The following EIF2AK3 variants were observed in gnomAD, a reference collection of about 807,000 sequenced individuals.
EIF2AK3 encodes the protein eukaryotic translation initiation factor 2-alpha kinase 3.
A neutral mutation model predicts 113.5 loss-of-function variants in EIF2AK3; 50 were observed. That is an observed-to-expected ratio of 0.44 (90% CI 0.35 to 0.56). The LOEUF (loss-of-function observed/expected upper bound fraction) is 0.56. Ranked by LOEUF, EIF2AK3 falls within the 20% of genes least tolerant of loss-of-function variation. EIF2AK3 has a pLI of 0.00. For synonymous variants in EIF2AK3, 448 were observed against 495.4 expected, an observed-to-expected ratio of 0.90 and a Z score of 1.27; for missense variants, 1,185 against 1,378.0, an observed-to-expected ratio of 0.86 and a Z score of 2.22.
intron 4 of EIF2AK3, among the ~76,000 whole-genome samples, chr2:88,591,294 A>C (rs1309483948): frequency 6.6e-6 from 1 of 152,166 alleles, no homozygotes. Context: ...TGTCCCTTAC[A>C]ACAGCTAAGG....
chr2:88,562,295 T>G lies in EIF2AK3; in HGVS notation c.3081A>C (p.Arg1027Ser). ...LLYPFSTQME[R>S]VRTLTDVRNL... ...GAGTAGGGAGGGTACTTACCCTGAC[T>G]CTCTCCATCTGAGTGCTGAATGGAT... Residue 1027 changes from arginine to serine, a missense_variant, in exon 15 of 17, where the codon AGA becomes AGC. Physicochemically the swap from Arg to Ser is moderately radical, Grantham distance 110 (BLOSUM62 -1). Transcript: ENST00000303236. 6.2e-7 allele frequency: 1 copy of G among 1,613,506 alleles called. No individual in the cohort carries two copies. The highest frequency in any genetic ancestry group is 8.5e-7 in the Non-Finnish European group (1 of 1,179,472).
chr2:88,608,853 G>T (rs1675358782), intron 2 of EIF2AK3, among the ~76,000 whole-genome samples: 1 of 149,524 alleles, frequency 6.7e-6, no homozygotes, highest in African/African-American at 2.5e-5. Context: ...AACTACAGGT[G>T]CATGTCACCA....
intron 15 of EIF2AK3, among the ~76,000 whole-genome samples, chr2:88,559,880 C>T (rs1433727976): frequency 3.3e-5 from 5 of 152,040 alleles, no homozygotes; most frequent in African/African-American, 1.2e-4. Context: ...TTGGTGGTTT[C>T]TACTTTTGGA....
intron 1 of EIF2AK3, among the ~76,000 whole-genome samples, chr2:88,625,283 G>A (rs910304280): frequency 6.9e-5 from 6 of 87,358 alleles, no homozygotes; most frequent in African/African-American, 1.5e-4. Context: ...TATCGCTTAC[G>A]TACACACACA....
chr2:88,608,373 C>T (rs1438464621), intron 2 of EIF2AK3, among the ~76,000 whole-genome samples: 1 of 152,066 alleles, frequency 6.6e-6, no homozygotes, highest in African/African-American at 2.4e-5. Flanking sequence ...AACTTTCATA[C>T]CATTCTTGAT....
intron 5 of EIF2AK3, 49 bp downstream of exon 5, chr2:88,590,769 G>T (rs1436623840): frequency 6.2e-7 from 1 of 1,603,632 alleles, no homozygotes; most frequent in African/African-American, 1.3e-5. Context: ...AGTTTGGTCA[G>T]ACTGGGAGAG....
intron 6 of EIF2AK3, 134 bp from the exon 7 acceptor site, chr2:88,589,035 A>G: frequency 1.9e-6 from 2 of 1,043,592 alleles, no homozygotes; most frequent in Non-Finnish European, 2.8e-6. Context: ...ACATGCTTGA[A>G]GCACTCAAAG....
intron 10 of EIF2AK3, among the ~76,000 whole-genome samples, chr2:88,582,382 A>G (rs577011060): frequency 1.3e-5 from 2 of 152,340 alleles, no homozygotes; most frequent in Admixed American, 1.3e-4. Context: ...CAATCCAGGC[A>G]GAACTACCAA....
chr2:88,585,810 A>C, intron 9 of EIF2AK3, 31 bp downstream of exon 9: 1 of 1,603,636 alleles, frequency 6.2e-7, no homozygotes, highest in East Asian at 2.2e-5. Context: ...GGGGAAGTGG[A>C]AACCAGACAG....
chr2:88,604,195 T>TA lies in EIF2AK3; in HGVS notation c.439-8533dup, dbSNP rs375182764. Among the ~76,000 whole-genome samples, 936 of 152,216 alleles carry TA rather than the reference T, an allele frequency of 6.1e-3. 15 individuals carry two copies. The highest frequency in any genetic ancestry group is 0.021 in the African/African-American group (883 of 41,546). ...TTCAATGGTTTCTCATGGCTCAGGATAAAATCTGGAATGTCTAACATAGCT... is the reference window on the plus strand; with the variant it reads ...TTCAATGGTTTCTCATGGCTCAGGATAAAAATCTGGAATGTCTAACATAGCT... On this transcript the variant is annotated intron_variant, in intron 2 of 16. Transcript: ENST00000303236.
intron 11 of EIF2AK3, among the ~76,000 whole-genome samples, chr2:88,578,305 C>T (rs72846124): frequency 0.25 from 38,317 of 151,912 alleles, 5,328 homozygotes; most frequent in East Asian, 0.32. Context: ...CCCAGCACTT[C>T]GGGAGGGCAA....
chr2:88,567,185 A>AT (rs1190356143), intron 14 of EIF2AK3, among the ~76,000 whole-genome samples: 4 of 151,484 alleles, frequency 2.6e-5, no homozygotes, highest in Admixed American at 6.6e-5. Flanking sequence ...AAAGCTTAGT[A>AT]TTTTTTTACC....
rs6750998 is a variant in EIF2AK3 at position 88,583,424 on chromosome 2, T to A, written c.1763+6A>T. ...TTCAGATGGTTGTATTTTATAAGAC[T>A]CTTACCGTGATATATATCCAGAGTT... On this transcript the variant is annotated splice_donor_region_variant and intron_variant, in intron 10 of 16. Coordinates refer to ENST00000303236, the MANE Select transcript of EIF2AK3 (RefSeq NM_004836.7). The A allele has an allele frequency of 0.27, 435,259 of 1,598,844 alleles. 62,159 individuals carry two copies. Among genetic ancestry groups the A allele is most frequent in the Middle Eastern group, 0.4 (2,429 of 6,022 alleles).
rs188419275 is a variant in EIF2AK3, at chr2:88,568,454, T to G, written c.2985+2420A>C. Among the ~76,000 whole-genome samples the G allele has an allele frequency of 1.7e-4, 26 of 152,334 alleles. 1 individual carries two copies. Among genetic ancestry groups the G allele is most frequent in the Admixed American group, 1.5e-3 (23 of 15,302 alleles). On this transcript the variant is annotated intron_variant, in intron 14 of 16. Coordinates refer to ENST00000303236, the MANE Select transcript of EIF2AK3 (RefSeq NM_004836.7). ...CTCACAGGCAAAACCAAAAAACATT[T>G]CACTTAAAATGTCCTTAGCAGTAGA...
Position 88,579,538 on chromosome 2 carries a change from C to G in EIF2AK3, c.1866G>C (p.Lys622Asn). The G allele has an allele frequency of 1.2e-6, 2 of 1,613,778 alleles. No individual in the cohort carries two copies. Among genetic ancestry groups the G allele is most frequent in the Non-Finnish European group, 1.7e-6 (2 of 1,179,780 alleles). The change falls in exon 11 of 17, where the codon AAG (lysine) becomes AAC (asparagine). Residue 622 changes from lysine to asparagine, a missense_variant. Lys to Asn is a moderately conservative substitution (Grantham distance 94). Transcript: ENST00000303236. ...ATTACCTATTGGGGAGACGGATCCTCTTGATAGCATAATTGCAGTCATCTA... is the reference window on the plus strand; with the variant it reads ...ATTACCTATTGGGGAGACGGATCCTGTTGATAGCATAATTGCAGTCATCTA... ...NKVDDCNYAI[K>N]RIRLPNRELA...
At chr2:88,610,085 G>A (rs2104464736) in intron 2 of EIF2AK3, among the ~76,000 whole-genome samples, 1 of 151,940 alleles carries the variant, frequency 6.6e-6, no homozygotes. Context: ...TCACGCCACT[G>A]CACTCCAGCC....
At chr2:88,580,073 C>T (rs1304860980) in intron 10 of EIF2AK3, 1 of 241,462 alleles carries the variant, frequency 4.1e-6, no homozygotes, top group African/African-American at 2.3e-5. Context: ...AAATTTTAAT[C>T]AGTCCTATTA....
chr2:88,627,301 G>A lies in EIF2AK3; in HGVS notation c.-27C>T, dbSNP rs1317998456. 6.8e-7 allele frequency: 1 copy of A among 1,475,202 alleles called. No individual in the cohort carries two copies. The highest frequency in any genetic ancestry group is 2.9e-5 in the East Asian group (1 of 34,752). 91.4% of individuals were successfully genotyped at this position (1,475,202 alleles called of 1,614,324 possible). A position where few individuals can be genotyped will look rare whatever the true frequency, so the allele number is the denominator to read the frequency against. Reference sequence around the variant, plus strand: ...AGCGTCCCGCCCCGCGCGCAGGCATGGAGGCGCAGCCACTGACGCCTGCCT... The same window carrying A: ...AGCGTCCCGCCCCGCGCGCAGGCATAGAGGCGCAGCCACTGACGCCTGCCT... On this transcript the variant is annotated 5_prime_UTR_variant, in exon 1 of 17. Transcript: ENST00000303236.
At chr2:88,613,389 T>A (rs926421386) in intron 2 of EIF2AK3, among the ~76,000 whole-genome samples, 1 of 152,226 alleles carries the variant, frequency 6.6e-6, no homozygotes, top group Non-Finnish European at 1.5e-5. Flanking sequence ...TTTATATTTA[T>A]CTTATTATTC....
Sources: allele counts gnomAD v4.1 joint callset (sites outside exome capture counted in the v4.1 genomes callset), GRCh38; gene constraint gnomAD v4.1.1; transcripts MANE v1.5; gene names NCBI Gene and HGNC (gene_info 2026-07-23, HGNC 2026-07-21).